RCL1: variants seen among roughly 807,000 people sequenced by gnomAD.
RCL1 encodes RNA terminal phosphate cyclase like 1, also known as RNA 3'-terminal phosphate cyclase-like protein.
Under a neutral mutation model 42.4 loss-of-function variants are expected in RCL1, and 24 were observed. The ratio of observed to expected loss-of-function variants is 0.57; its 90% CI spans 0.41 to 0.80. The LOEUF (loss-of-function observed/expected upper bound fraction) is 0.80, where lower values mean the gene tolerates loss of function less well. Ranked by LOEUF, RCL1 falls within the 30% of genes least tolerant of loss-of-function variation. RCL1 has a pLI of 0.00. For synonymous variants in RCL1, 228 were observed against 177.3 expected, an observed-to-expected ratio of 1.29 and a Z score of -2.27; for missense variants, 578 against 467.9, an observed-to-expected ratio of 1.24 and a Z score of -2.17.
chr9:4,831,411 T>G (rs1231633332), intron 3 of RCL1, among the ~76,000 whole-genome samples: 5 of 151,906 alleles, frequency 3.3e-5, no homozygotes, highest in Non-Finnish European at 7.3e-5. Flanking sequence ...CAGCTGCTCT[T>G]AAGCCTCGAC....
chr9:4,832,462 A>T (rs1041792415), intron 3 of RCL1, among the ~76,000 whole-genome samples: 1 of 152,178 alleles, frequency 6.6e-6, no homozygotes, highest in African/African-American at 2.4e-5. Context: ...CCTACTGGAC[A>T]AATGTTAATG....
Position 4,860,429 on chromosome 9 carries a change from C to T in RCL1, c.*154C>T, listed in dbSNP as rs80077829. 1.7e-3 allele frequency: 1,438 copies of T among 830,302 alleles called. 53 individuals carry two copies. The East Asian group carries it at 0.043, about 25-fold the overall frequency. The allele number at this position is 830,302 out of a possible 1,614,324, so 51.4% of individuals were successfully genotyped here. ...TATCAATATACAAATAAAAGACATC[C>T]CTGTAGCATATGGTTTCCAGCTGTT... On this transcript the variant is annotated 3_prime_UTR_variant, in exon 9 of 9. Transcript: ENST00000381750.
At chr9:4,799,538 A>T (rs1278851798) in intron 1 of RCL1, among the ~76,000 whole-genome samples, 1 of 152,106 alleles carries the variant, frequency 6.6e-6, no homozygotes, top group Non-Finnish European at 1.5e-5. Flanking sequence ...TTGTAGCCAC[A>T]CTCAGTTTCC....
intron 5 of RCL1, among the ~76,000 whole-genome samples, chr9:4,837,224 C>G (rs1035333700): frequency 2.0e-5 from 3 of 152,064 alleles, no homozygotes; most frequent in African/African-American, 7.2e-5. Flanking sequence ...GCATTGTATT[C>G]CACCATATAT....
chr9:4,805,552 G>A (rs901421012), intron 1 of RCL1, among the ~76,000 whole-genome samples: 1 of 152,172 alleles, frequency 6.6e-6, no homozygotes, highest in African/African-American at 2.4e-5. Context: ...AACTCTTATA[G>A]AAATAGACAA....
rs144563912 is a variant in RCL1, at chr9:4,842,798, G to A, written c.710+1441G>A. Among the ~76,000 whole-genome samples the A allele has an allele frequency of 4.2e-3, 647 of 152,282 alleles. 2 individuals are homozygous for A. Among genetic ancestry groups the A allele is most frequent in the Middle Eastern group, 0.01 (3 of 294 alleles). The stretch of plus-strand genomic sequence containing the variant: ...AGGGGATTTCCGAGGGATGGGGGAG[G>A]ACAGATAGCAGCAGAAGCTGTCTAA... On this transcript the variant is annotated intron_variant, in intron 6 of 8. Coordinates refer to ENST00000381750, the MANE Select transcript of RCL1 (RefSeq NM_005772.5).
At chr9:4,852,720 G>A (rs1453674331) in intron 8 of RCL1, among the ~76,000 whole-genome samples, 4 of 151,686 alleles carry the variant, frequency 2.6e-5, no homozygotes, top group African/African-American at 7.3e-5. Flanking sequence ...TGTGGTTCCT[G>A]CCTGGACACC....
chr9:4,839,808 G>A (rs1424126964), intron 5 of RCL1: 1 of 971,490 alleles, frequency 1.0e-6, no homozygotes, highest in African/African-American at 1.8e-5. Flanking sequence ...TAGAGTGTGT[G>A]GTCTCATTGA....
At chr9:4,852,970 A>C (rs1817802200) in intron 8 of RCL1, among the ~76,000 whole-genome samples, 1 of 152,004 alleles carries the variant, frequency 6.6e-6, no homozygotes, top group East Asian at 1.9e-4. Context: ...TGGATTAAAA[A>C]ATTTTAATTT....
chr9:4,803,729 A>G (rs564806861), intron 1 of RCL1: 2 of 156,574 alleles, frequency 1.3e-5, no homozygotes, highest in African/African-American at 4.8e-5. Context: ...TGAAAGGTAA[A>G]AAAAAAAAAG....
chr9:4,813,640 A>G (rs1326313961), intron 1 of RCL1, among the ~76,000 whole-genome samples: 1 of 152,224 alleles, frequency 6.6e-6, no homozygotes, highest in Non-Finnish European at 1.5e-5. Flanking sequence ...CGATTCCTCA[A>G]GGATCTAGAA....
intron 3 of RCL1, among the ~76,000 whole-genome samples, chr9:4,832,604 T>C (rs1029357636): frequency 5.3e-5 from 8 of 151,950 alleles, no homozygotes; most frequent in African/African-American, 1.5e-4. Flanking sequence ...GTTCAAGAGA[T>C]TGAGACCATC....
chr9:4,792,994 T>C lies in RCL1; in HGVS notation c.-98T>C. 1 of 1,395,496 alleles carries C rather than the reference T, an allele frequency of 7.2e-7. No homozygotes were observed. The highest frequency in any genetic ancestry group is 9.6e-7 in the Non-Finnish European group (1 of 1,040,814). 86.4% of individuals were successfully genotyped at this position (1,395,496 alleles called of 1,614,324 possible). A position where few individuals can be genotyped will look rare whatever the true frequency, so the allele number is the denominator to read the frequency against. On this transcript the variant is annotated 5_prime_UTR_variant, in exon 1 of 9. Transcript: ENST00000381750. ...CTGGAGGCAGCCCGAGCCGCCGCCG[T>C]CGGTGTCGCCGCCACCACCACCATC... is the stretch of plus-strand genomic sequence containing the variant.
chr9:4,849,443 A>T lies in RCL1; in HGVS notation c.868-4A>T. On this transcript the variant is annotated splice_polypyrimidine_tract_variant and splice_region_variant and intron_variant, in intron 7 of 8. Coordinates refer to ENST00000381750, the MANE Select transcript of RCL1 (RefSeq NM_005772.5). ...TTTGTACAATTATTAATTTGTGTTT[A>T]CAGGGTGGATGCGTAGACTCGACCA... 2 of 1,609,426 alleles carry T rather than the reference A, an allele frequency of 1.2e-6. No homozygotes were observed. Among genetic ancestry groups the T allele is most frequent in the Non-Finnish European group, 1.7e-6 (2 of 1,176,138 alleles).
rs143650943 is a variant in RCL1 at position 4,799,345 on chromosome 9, G to A, written c.136+6118G>A. Among the ~76,000 whole-genome samples the A allele has an allele frequency of 1.1e-3, 168 of 152,112 alleles. 2 individuals carry two copies. Among genetic ancestry groups the A allele is most frequent in the African/African-American group, 3.7e-3 (154 of 41,500 alleles). The stretch of plus-strand genomic sequence containing the variant: ...ACAAACTTTTTATTTTGAGATAATC[G>A]TAGATTCACATGCAGTTGTAATAAA... On this transcript the variant is annotated intron_variant, in intron 1 of 8. Coordinates refer to ENST00000381750, the MANE Select transcript of RCL1 (RefSeq NM_005772.5).
intron 1 of RCL1, among the ~76,000 whole-genome samples, chr9:4,803,460 A>T (rs1262611230): frequency 1.3e-5 from 2 of 151,978 alleles, no homozygotes; most frequent in East Asian, 1.9e-4. Context: ...CCTCCCCTCA[A>T]CTTAGGGATT....
chr9:4,806,170 A>G (rs1430446492), intron 1 of RCL1, among the ~76,000 whole-genome samples: 1 of 151,446 alleles, frequency 6.6e-6, no homozygotes, highest in South Asian at 2.1e-4. Flanking sequence ...GTAGCTGGTC[A>G]TGTTGTCTAC....
chr9:4,818,657 C>A (rs527843466), intron 1 of RCL1, among the ~76,000 whole-genome samples: 6 of 152,024 alleles, frequency 3.9e-5, no homozygotes, highest in African/African-American at 1.4e-4. Flanking sequence ...CTGAGGCAGG[C>A]GGATCACGAG....
At chr9:4,838,244 G>T (rs1248374685) in intron 5 of RCL1, among the ~76,000 whole-genome samples, 1 of 152,156 alleles carries the variant, frequency 6.6e-6, no homozygotes, top group Non-Finnish European at 1.5e-5. Flanking sequence ...CTTCCAAAGT[G>T]CATCTTTTCC....
Sources: gnomAD v4.1 joint callset for allele counts (sites outside exome capture counted in the v4.1 genomes callset) on GRCh38, gnomAD v4.1.1 for gene constraint, MANE v1.5 for transcripts, NCBI Gene and HGNC (gene_info 2026-07-23, HGNC 2026-07-21) for gene names.